NALF1: variants seen among roughly 807,000 people sequenced by gnomAD.
The protein encoded by NALF1 is family with sequence similarity 155 member A.
A neutral mutation model predicts 48.4 loss-of-function variants in NALF1; 3 were observed. That is an observed-to-expected ratio of 0.06 (90% CI 0.03 to 0.16). The LOEUF (loss-of-function observed/expected upper bound fraction) is 0.16, where lower values mean the gene tolerates loss of function less well. Among genes scored for constraint, NALF1 ranks in the 10% least tolerant of loss-of-function variants. The pLI is 1.00. For missense variants in NALF1, 526 were observed against 571.5 expected (o/e 0.92, Z 0.81); for synonymous variants, 262 against 245.7 (o/e 1.07, Z -0.62).
chr13:107,234,883 C>G (rs896978904), intron 1 of NALF1, among the ~76,000 whole-genome samples: 2 of 152,142 alleles, frequency 1.3e-5, no homozygotes, highest in African/African-American at 4.8e-5. Context: ...CCTAACATTT[C>G]AGGCAGACTT....
chr13:107,238,113 TG>T (rs1163098718), intron 1 of NALF1, among the ~76,000 whole-genome samples: 1 of 152,220 alleles, frequency 6.6e-6, no homozygotes, highest in Non-Finnish European at 1.5e-5. Flanking sequence ...GTTTTTAGGA[TG>T]GAGCTAAACT....
intron 1 of NALF1, among the ~76,000 whole-genome samples, chr13:107,565,269 C>T (rs1333556780): frequency 1.3e-5 from 2 of 151,056 alleles, no homozygotes; most frequent in Non-Finnish European, 2.9e-5. Flanking sequence ...CTTGTAATCC[C>T]ATCACTTTGG....
intron 1 of NALF1, among the ~76,000 whole-genome samples, chr13:107,434,929 A>T (rs1485499601): frequency 1.3e-5 from 2 of 152,160 alleles, no homozygotes; most frequent in African/African-American, 4.8e-5. Flanking sequence ...CCCTGGCTAT[A>T]TTCTTTTTTC....
chr13:107,287,195 C>T (rs1186125192), intron 1 of NALF1, among the ~76,000 whole-genome samples: 1 of 152,132 alleles, frequency 6.6e-6, no homozygotes, highest in Non-Finnish European at 1.5e-5. Flanking sequence ...ACCTTCACAC[C>T]GTCTCCCCAA....
At chr13:107,753,793 G>C (rs1360010698) in intron 1 of NALF1, among the ~76,000 whole-genome samples, 1 of 152,060 alleles carries the variant, frequency 6.6e-6, no homozygotes, top group African/African-American at 2.4e-5. Context: ...CTGAAAAGAT[G>C]GAGTTGAACA....
At chr13:107,770,741 C>T (rs945660549) in intron 1 of NALF1, among the ~76,000 whole-genome samples, 4 of 152,208 alleles carry the variant, frequency 2.6e-5, no homozygotes, top group African/African-American at 7.2e-5. Flanking sequence ...TCTCAATGGG[C>T]TCATTGTAAA....
At chr13:107,217,038 A>G (rs1163919457) in intron 1 of NALF1, among the ~76,000 whole-genome samples, 3 of 152,212 alleles carry the variant, frequency 2.0e-5, no homozygotes, top group Non-Finnish European at 4.4e-5. Flanking sequence ...CCTAACTATG[A>G]CACAGAGGCA....
intron 1 of NALF1, among the ~76,000 whole-genome samples, chr13:107,816,789 T>A (rs1028652662): frequency 7.2e-5 from 11 of 152,164 alleles, no homozygotes; most frequent in Admixed American, 2.6e-4. Flanking sequence ...TTATGTTGAA[T>A]TTTCTTTTCA....
At chr13:107,759,030 G>C (rs988720069) in intron 1 of NALF1, among the ~76,000 whole-genome samples, 1 of 152,100 alleles carries the variant, frequency 6.6e-6, no homozygotes, top group Non-Finnish European at 1.5e-5. Context: ...AGATCTCAGG[G>C]TAGTGGTGTA....
At chr13:107,394,382 C>T (rs1384162344) in intron 1 of NALF1, among the ~76,000 whole-genome samples, 1 of 152,136 alleles carries the variant, frequency 6.6e-6, no homozygotes, top group African/African-American at 2.4e-5. Flanking sequence ...GGTGTTTAAA[C>T]TCTCTTCTAA....
intron 1 of NALF1, among the ~76,000 whole-genome samples, chr13:107,853,012 A>G (rs1880356111): frequency 6.6e-6 from 1 of 151,338 alleles, no homozygotes; most frequent in African/African-American, 2.5e-5. Context: ...TGAATTAATT[A>G]AAAGTCATAT....
intron 1 of NALF1, among the ~76,000 whole-genome samples, chr13:107,479,157 A>G (rs1885216109): frequency 6.6e-6 from 1 of 152,242 alleles, no homozygotes; most frequent in Admixed American, 6.5e-5. Context: ...CAGCTGCTGC[A>G]TGTTCTGATC....
chr13:107,758,651 A>G (rs553664025), intron 1 of NALF1, among the ~76,000 whole-genome samples: 1 of 152,050 alleles, frequency 6.6e-6, no homozygotes, highest in Non-Finnish European at 1.5e-5. Context: ...AACCCGGGAG[A>G]TGGAGCTGGT....
intron 1 of NALF1, among the ~76,000 whole-genome samples, chr13:107,271,209 A>T (rs961698190): frequency 1.3e-5 from 2 of 152,160 alleles, no homozygotes; most frequent in Non-Finnish European, 2.9e-5. Flanking sequence ...GCTGTAGTTA[A>T]AGTTACTAAT....
At chr13:107,672,070 C>T (rs542512527) in intron 1 of NALF1, among the ~76,000 whole-genome samples, 5 of 152,228 alleles carry the variant, frequency 3.3e-5, no homozygotes, top group Non-Finnish European at 4.4e-5. Context: ...CTAACATGTT[C>T]GGAGAACGTG....
chr13:107,758,725 GA>G (rs1407220406), intron 1 of NALF1, among the ~76,000 whole-genome samples: 1 of 151,146 alleles, frequency 6.6e-6, no homozygotes, highest in African/African-American at 2.4e-5. Flanking sequence ...ATCTCAAAAA[GA>G]AAAAAATAAA....
intron 2 of NALF1, among the ~76,000 whole-genome samples, chr13:107,185,531 T>C (rs1879153973): frequency 6.6e-6 from 1 of 151,996 alleles, no homozygotes; most frequent in Non-Finnish European, 1.5e-5. Flanking sequence ...TCTGTCTGTG[T>C]TACATTTCAT....
intron 1 of NALF1, among the ~76,000 whole-genome samples, chr13:107,499,248 T>C (rs1355566028): frequency 2.0e-5 from 3 of 152,218 alleles, no homozygotes; most frequent in Non-Finnish European, 4.4e-5. Context: ...AAAGTATTCA[T>C]TTTCTCAAAG....
chr13:107,707,201 C>A lies in NALF1; in HGVS notation c.915+158481G>T, dbSNP rs981497824. Among the ~76,000 whole-genome samples the A allele has an allele frequency of 2.0e-5, 3 of 151,868 alleles. No individual in the cohort carries two copies. The East Asian group carries it at 5.9e-4, about 30-fold the overall frequency. On this transcript the variant is annotated intron_variant, in intron 1 of 2. Coordinates refer to ENST00000375915, the MANE Select transcript of NALF1 (RefSeq NM_001080396.3). The stretch of plus-strand genomic sequence containing the variant: ...CCTCCCAAAGTGCTGGGATTACAGG[C>A]GTGAGCCACCGCGCCCGGCCAAGGG...
Sources: allele counts gnomAD v4.1 joint callset (sites outside exome capture counted in the v4.1 genomes callset), GRCh38; gene constraint gnomAD v4.1.1; transcripts MANE v1.5; gene names NCBI Gene and HGNC (gene_info 2026-07-23, HGNC 2026-07-21).